Variants in HCRTR2 observed in about 807,000 individuals in gnomAD.
HCRTR2 encodes the protein hypocretin receptor 2, also known as orexin receptor type 2.
In HCRTR2, 22 loss-of-function variants were observed where a neutral mutation model predicts 49.0. The ratio of observed to expected loss-of-function variants is 0.45; its 90% confidence interval spans 0.32 to 0.64. The LOEUF (loss-of-function observed/expected upper bound fraction) is 0.64, where lower values mean the gene tolerates loss of function less well. Among genes scored for constraint, HCRTR2 ranks in the 30% least tolerant of loss-of-function variants. The pLI is 0.04. For synonymous variants in HCRTR2, 236 were observed against 205.3 expected (o/e 1.15, Z -1.28); for missense variants, 491 against 559.4 (o/e 0.88, Z 1.23).
chr6:55,210,387 A>G, intron 1 of HCRTR2, among the ~76,000 whole-genome samples: 1 of 152,004 alleles, frequency 6.6e-6, no homozygotes, highest in South Asian at 2.1e-4. Flanking sequence ...GCCTGCAGAC[A>G]CACTCTGTGA....
At chr6:55,117,962 T>A (rs1200591373) in intron 1 of HCRTR2, among the ~76,000 whole-genome samples, 1 of 151,824 alleles carries the variant, frequency 6.6e-6, no homozygotes, top group Middle Eastern at 3.4e-3. Context: ...AGTAAACTTG[T>A]GTCATGGAGG....
chr6:55,118,288 T>C (rs1162648810), intron 1 of HCRTR2, among the ~76,000 whole-genome samples: 1 of 151,982 alleles, frequency 6.6e-6, no homozygotes, highest in Non-Finnish European at 1.5e-5. Context: ...CATTTTTTTA[T>C]CCAGTCTATC....
At chr6:55,171,613 C>T (rs1382018976), upstream of HCRTR2, among the ~76,000 whole-genome samples, 5 of 151,860 alleles carry the variant, frequency 3.3e-5, no homozygotes, top group Non-Finnish European at 5.9e-5. Flanking sequence ...CATTGGAGTA[C>T]CACATATTTA....
chr6:55,230,924 T>TG (rs1766103042), intron 1 of HCRTR2, among the ~76,000 whole-genome samples: 1 of 152,020 alleles, frequency 6.6e-6, no homozygotes, highest in African/African-American at 2.4e-5. Flanking sequence ...AATCCTTTGT[T>TG]GGGGGCTGCG....
rs114727534 is a variant in HCRTR2 at position 55,168,391 on chromosome 6, T to C, written c.-377-5820T>C. On this transcript the variant is annotated intron_variant, in intron 1 of 7. Transcript: ENST00000615358. The stretch of plus-strand genomic sequence containing the variant: ...ATTAGTAAAGGACACAGCTGGAAAA[T>C]TGAAAACATTTTGGTTCTCTACTGT... 4.4e-3 allele frequency among the ~76,000 whole-genome samples: 676 copies of C among 152,240 alleles called. 1 individual carries two copies. Among genetic ancestry groups the C allele is most frequent in the African/African-American group, 0.015 (627 of 41,526 alleles).
intron 5 of HCRTR2, among the ~76,000 whole-genome samples, chr6:55,279,295 C>T (rs1389122643): frequency 1.3e-5 from 2 of 151,902 alleles, no homozygotes; most frequent in African/African-American, 4.8e-5. Context: ...TAAAACTTAA[C>T]TTTTTGCCGA....
chr6:55,111,398 T>C (rs988413693), intron 1 of HCRTR2, among the ~76,000 whole-genome samples: 3 of 151,758 alleles, frequency 2.0e-5, no homozygotes, highest in Admixed American at 6.6e-5. Context: ...AAAGATAAAA[T>C]TGATAGAACA....
In HCRTR2 at chr6:55,255,279, T is replaced by C. The variant is rs911277911; in HGVS notation, c.546T>C (p.Ile182=). Reference sequence around the variant, plus strand: ...TCATCATCTGGATTGTCTCCTGCATTATAATGATTCCTCAGGCCATCGTCA... The same window carrying C: ...TCATCATCTGGATTGTCTCCTGCATCATAATGATTCCTCAGGCCATCGTCA... ...SIVIIWIVSC[I]IMIPQAIVME... Residue 182 remains isoleucine (I), a synonymous_variant, in exon 3 of 7, where the codon ATT becomes ATC. Transcript: ENST00000370862. The C allele has an allele frequency of 6.8e-6, 11 of 1,613,930 alleles. No homozygotes were observed. Among genetic ancestry groups the C allele is most frequent in the Non-Finnish European group, 5.9e-6 (7 of 1,179,992 alleles).
At chr6:55,229,602 A>T (rs925263012) in intron 1 of HCRTR2, among the ~76,000 whole-genome samples, 2 of 152,214 alleles carry the variant, frequency 1.3e-5, no homozygotes, top group Non-Finnish European at 2.9e-5. Context: ...ATGAACCTGC[A>T]GGACGTTATG....
chr6:55,203,395 T>C (rs557715601), intron 1 of HCRTR2, among the ~76,000 whole-genome samples: 9 of 152,164 alleles, frequency 5.9e-5, no homozygotes, highest in Non-Finnish European at 1.2e-4. Flanking sequence ...TTTTATACTG[T>C]CGGCCTACCT....
At chr6:55,261,825 C>T (rs1766762570) in intron 3 of HCRTR2, among the ~76,000 whole-genome samples, 1 of 152,110 alleles carries the variant, frequency 6.6e-6, no homozygotes, top group Non-Finnish European at 1.5e-5. Context: ...GATACCTGCA[C>T]ATGCATGTTT....
At chr6:55,202,841 A>G (rs1415409039) in intron 1 of HCRTR2, among the ~76,000 whole-genome samples, 1 of 152,098 alleles carries the variant, frequency 6.6e-6, no homozygotes, top group East Asian at 1.9e-4. Flanking sequence ...CTTTTATCTG[A>G]TATGGTAGTT....
chr6:55,248,925 C>A lies in HCRTR2; in HGVS notation c.402+108C>A, dbSNP rs990957065. On this transcript the variant is annotated intron_variant, in intron 2 of 6. Transcript: ENST00000370862. Reference sequence around the variant, plus strand: ...AGTTGAGAAATATATTTGCCTAAGGCATTGACAAACTGAAGGAAAATAATA... The same window carrying A: ...AGTTGAGAAATATATTTGCCTAAGGAATTGACAAACTGAAGGAAAATAATA... 1.3e-5 allele frequency: 12 copies of A among 899,550 alleles called. No homozygotes were observed. In the South Asian group the frequency reaches 1.5e-4, roughly 12 times the overall value. The allele number at this position is 899,550 out of a possible 1,614,324, so 55.7% of individuals were successfully genotyped here.
chr6:55,181,269 C>T (rs1765129691), intron 1 of HCRTR2, among the ~76,000 whole-genome samples: 1 of 152,104 alleles, frequency 6.6e-6, no homozygotes, highest in Admixed American at 6.5e-5. Context: ...ACCCATATGA[C>T]CAGTCTTTTG....
intron 1 of HCRTR2, chr6:55,106,692 C>T (rs1005190219): frequency 1.3e-5 from 2 of 152,020 alleles, no homozygotes; most frequent in African/African-American, 4.8e-5. Flanking sequence ...ATTTTGCCAC[C>T]ATTTTTCAAC....
At chr6:55,219,852 TA>T (rs1273185082) in intron 1 of HCRTR2, among the ~76,000 whole-genome samples, 3 of 151,708 alleles carry the variant, frequency 2.0e-5, no homozygotes, top group African/African-American at 4.8e-5. Context: ...ATATTGTAAA[TA>T]AAAAAGGAGC....
In HCRTR2 at chr6:55,244,438, T is replaced by C. The variant is rs192763487; in HGVS notation, c.224-4201T>C. Among the ~76,000 whole-genome samples the C allele has an allele frequency of 2.6e-3, 393 of 152,060 alleles. 2 individuals are homozygous for C. The highest frequency in any genetic ancestry group is 9.0e-3 in the African/African-American group (375 of 41,532). ...GTCACTGCAATACTCTAGCTAATGGTTACAACAATCTGACATTGGGTATTT... is the reference window on the plus strand; with the variant it reads ...GTCACTGCAATACTCTAGCTAATGGCTACAACAATCTGACATTGGGTATTT... On this transcript the variant is annotated intron_variant, in intron 1 of 6. Transcript: ENST00000370862.
At chr6:55,218,440 A>G (rs1464487462) in intron 1 of HCRTR2, among the ~76,000 whole-genome samples, 1 of 152,234 alleles carries the variant, frequency 6.6e-6, no homozygotes, top group African/African-American at 2.4e-5. Context: ...TAAATGAACT[A>G]AACTCAAACA....
At chr6:55,125,434 AT>A (rs1169990490) in intron 1 of HCRTR2, among the ~76,000 whole-genome samples, 2 of 152,186 alleles carry the variant, frequency 1.3e-5, no homozygotes, top group Non-Finnish European at 2.9e-5. Flanking sequence ...GATGTTGAAT[AT>A]TGGCCTCCAC....
Sources: allele counts gnomAD v4.1 joint callset (sites outside exome capture counted in the v4.1 genomes callset), GRCh38; gene constraint gnomAD v4.1.1; transcripts MANE v1.5; gene names NCBI Gene and HGNC (gene_info 2026-07-23, HGNC 2026-07-21).